CLHC1: variants seen among roughly 807,000 people sequenced by gnomAD.
CLHC1 encodes clathrin heavy chain linker domain-containing protein 1.
In CLHC1, 72 loss-of-function variants were observed where a neutral mutation model predicts 69.5. That is an observed-to-expected ratio of 1.04 (90% CI 0.86 to 1.26). The LOEUF (loss-of-function observed/expected upper bound fraction) is 1.26. Among genes scored for constraint, CLHC1 ranks in the 50% most tolerant of loss-of-function variants. The pLI, the probability that CLHC1 is intolerant of heterozygous loss-of-function variation, is 0.00. For synonymous variants in CLHC1, 223 were observed against 224.3 expected, an observed-to-expected ratio of 0.99 and a Z score of 0.05; for missense variants, 790 against 679.3, an observed-to-expected ratio of 1.16 and a Z score of -1.81.
At chr2:55,200,057 C>T (rs890853348) in intron 9 of CLHC1, among the ~76,000 whole-genome samples, 3 of 151,780 alleles carry the variant, frequency 2.0e-5, no homozygotes, top group Non-Finnish European at 4.4e-5. Flanking sequence ...GACCTTGTCT[C>T]CACAAAAATT....
chr2:55,224,309 T>C, intron 2 of CLHC1: 4 of 465,846 alleles, frequency 8.6e-6, no homozygotes, highest in Middle Eastern at 5.0e-4. Flanking sequence ...TGCCGTCCTC[T>C]GGGAGTGTTT....
At chr2:55,217,613 C>T (rs1470491247) in intron 4 of CLHC1, among the ~76,000 whole-genome samples, 198 bp downstream of exon 4, 2 of 89,342 alleles carry the variant, frequency 2.2e-5, no homozygotes, top group African/African-American at 8.5e-5. Flanking sequence ...CGTTCTCAAA[C>T]AAAAGTAATA....
intron 9 of CLHC1, among the ~76,000 whole-genome samples, chr2:55,188,076 G>A (rs1235018470): frequency 6.6e-6 from 1 of 152,112 alleles, no homozygotes; most frequent in East Asian, 1.9e-4. Flanking sequence ...CATTTTGGGA[G>A]GCCAAGGTGG....
chr2:55,218,615 A>C (rs1673809502), intron 3 of CLHC1: 1 of 152,236 alleles, frequency 6.6e-6, no homozygotes. Context: ...AGAGAAGGAC[A>C]GGAGAAGTAG....
At chr2:55,193,054 C>T (rs566246958) in intron 9 of CLHC1, among the ~76,000 whole-genome samples, 17 of 71,584 alleles carry the variant, frequency 2.4e-4, no homozygotes, top group East Asian at 1.1e-3. Context: ...CCACACCCGG[C>T]GGCTAATTTT....
chr2:55,182,558 A>G (rs1231033008), intron 9 of CLHC1, among the ~76,000 whole-genome samples: 1 of 152,042 alleles, frequency 6.6e-6, no homozygotes, highest in African/African-American at 2.4e-5. Context: ...TATTTCCTAG[A>G]TTTTTCTTTA....
At chr2:55,190,352 T>C (rs117139717) in intron 9 of CLHC1, among the ~76,000 whole-genome samples, 2 of 152,124 alleles carry the variant, frequency 1.3e-5, no homozygotes, top group African/African-American at 4.8e-5. Context: ...CAGCCTAAAA[T>C]TCTTAATGTC....
At chr2:55,230,593 C>T (rs1372248312) in intron 1 of CLHC1, among the ~76,000 whole-genome samples, 2 of 151,986 alleles carry the variant, frequency 1.3e-5, no homozygotes, top group African/African-American at 4.8e-5. Context: ...AGGACTGGGC[C>T]TTGGGGATAC....
At chr2:55,214,334 C>T (rs1342711156) in intron 4 of CLHC1, 3 of 152,152 alleles carry the variant, frequency 2.0e-5, no homozygotes, top group Non-Finnish European at 4.4e-5. Context: ...ATGGTGAAAC[C>T]CCATCTCTAC....
intron 11 of CLHC1, 53 bp downstream of exon 11, chr2:55,180,457 A>C: frequency 7.4e-7 from 1 of 1,346,760 alleles, no homozygotes; most frequent in Non-Finnish European, 1.1e-6. Context: ...GGGTAATCTT[A>C]CAATTAAAGC....
At chr2:55,222,621 T>A (rs1350810032) in intron 2 of CLHC1, 128 bp from the exon 3 acceptor site, 1 of 420,656 alleles carries the variant, frequency 2.4e-6, no homozygotes, top group Non-Finnish European at 4.2e-6. Context: ...TCAACCTATG[T>A]ATTAAAAGGT....
rs1438974683 is a variant in CLHC1 at position 55,173,852 on chromosome 2, A to G, written c.*1938T>C. On this transcript the variant is annotated 3_prime_UTR_variant, in exon 13 of 13. Coordinates refer to ENST00000401408, the MANE Select transcript of CLHC1 (RefSeq NM_152385.4). The stretch of plus-strand genomic sequence containing the variant: ...AGAAGGAGTAATAATGAGAAAAGGA[A>G]AAACAAGGCAAAATTAGAATAACAA... Among the ~76,000 whole-genome samples, 1 of 152,188 alleles carries G rather than the reference A, an allele frequency of 6.6e-6. No homozygotes were observed. The highest frequency in any genetic ancestry group is 1.5e-5 in the Non-Finnish European group (1 of 68,016).
intron 3 of CLHC1, chr2:55,218,268 G>T (rs1211651575): frequency 1.3e-5 from 3 of 231,504 alleles, no homozygotes; most frequent in African/African-American, 6.7e-5. Flanking sequence ...ATGAACACAT[G>T]CATTATATGA....
At chr2:55,222,787 G>A (rs978853149) in intron 2 of CLHC1, among the ~76,000 whole-genome samples, 1 of 152,004 alleles carries the variant, frequency 6.6e-6, no homozygotes, top group African/African-American at 2.4e-5. Context: ...CAGGCGTGGT[G>A]GCGCATGCCT....
At chr2:55,220,873 C>T (rs979965712) in intron 3 of CLHC1, among the ~76,000 whole-genome samples, 1 of 152,122 alleles carries the variant, frequency 6.6e-6, no homozygotes, top group Non-Finnish European at 1.5e-5. Context: ...ACACCAAGAG[C>T]AATATCATTG....
chr2:55,193,015 C>T lies in CLHC1; in HGVS notation c.1007-11271G>A, dbSNP rs546083023. Reference sequence around the variant, plus strand: ...AAGCGATTCTCCTGCCTCAGCCTCCCGAGTAGCTGGGATTCCAGGTACCCG... The same window carrying T: ...AAGCGATTCTCCTGCCTCAGCCTCCTGAGTAGCTGGGATTCCAGGTACCCG... On this transcript the variant is annotated intron_variant, in intron 9 of 12. Transcript: ENST00000401408. Among the ~76,000 whole-genome samples, 159 of 151,002 alleles carry T rather than the reference C, an allele frequency of 1.1e-3. 1 individual carries two copies. The highest frequency in any genetic ancestry group is 1.8e-3 in the Non-Finnish European group (121 of 67,796).
In CLHC1 at chr2:55,172,586, C is replaced by A. The variant is rs1209050892; in HGVS notation, c.*3204G>T. 2.0e-5 allele frequency among the ~76,000 whole-genome samples: 3 copies of A among 150,518 alleles called. No homozygotes were observed. The highest frequency in any genetic ancestry group is 2.0e-4 in the East Asian group (1 of 5,126). ...AATATATTTTTATTCAAGAACACAA[C>A]AAATTATAACTACTAGCAAACTGAC... On this transcript the variant is annotated 3_prime_UTR_variant, in exon 13 of 13. Coordinates refer to ENST00000401408, the MANE Select transcript of CLHC1 (RefSeq NM_152385.4).
intron 9 of CLHC1, among the ~76,000 whole-genome samples, chr2:55,193,990 T>C (rs955124687): frequency 6.6e-5 from 10 of 152,106 alleles, no homozygotes. Context: ...AAAAACATTA[T>C]GCTAAGTGAA....
chr2:55,222,136 C>G, intron 3 of CLHC1, 99 bp downstream of exon 3: 1 of 793,810 alleles, frequency 1.3e-6, no homozygotes, highest in South Asian at 1.7e-5. Context: ...GGAATGTTAT[C>G]ATTCAAACAG....
Sources: gnomAD v4.1 joint callset for allele counts (sites outside exome capture counted in the v4.1 genomes callset) on GRCh38, gnomAD v4.1.1 for gene constraint, MANE v1.5 for transcripts, NCBI Gene and HGNC (gene_info 2026-07-23, HGNC 2026-07-21) for gene names.